The following IHO1 variants were observed in gnomAD, a reference collection of about 807,000 sequenced individuals.
The protein encoded by IHO1 is interactor of HORMAD1 protein 1.
IHO1 carries 13 observed loss-of-function variants against 31.0 expected under a neutral mutation model. That is an observed-to-expected ratio of 0.42 (90% confidence interval 0.27 to 0.67). The LOEUF (loss-of-function observed/expected upper bound fraction) is 0.67, where lower values mean the gene tolerates loss of function less well. Among genes scored for constraint, IHO1 ranks in the 30% least tolerant of loss-of-function variants. The pLI is 0.24. For synonymous variants in IHO1, 221 were observed against 248.4 expected (o/e 0.89, Z 1.04); for missense variants, 599 against 687.5 (o/e 0.87, Z 1.44).
At chr3:49,230,260 A>T (rs968141355) in intron 2 of IHO1, among the ~76,000 whole-genome samples, 1 of 152,210 alleles carries the variant, frequency 6.6e-6, no homozygotes, top group Non-Finnish European at 1.5e-5. Flanking sequence ...AATCAGGTAA[A>T]TGGAGAATGT....
chr3:49,243,626 CGGGA>C (rs2046658358), intron 4 of IHO1, among the ~76,000 whole-genome samples: 2 of 151,128 alleles, frequency 1.3e-5, no homozygotes, highest in Admixed American at 6.6e-5. Context: ...GGCGTGGTGG[CGGGA>C]GCCTGTAGTC....
At chr3:49,240,109 G>A (rs930560145) in intron 3 of IHO1, among the ~76,000 whole-genome samples, 1 of 152,016 alleles carries the variant, frequency 6.6e-6, no homozygotes, top group South Asian at 2.1e-4. Flanking sequence ...GCAGTGGCAC[G>A]ATCTTGGCTC....
upstream of IHO1, among the ~76,000 whole-genome samples, chr3:49,196,006 C>T (rs1456556196): frequency 6.7e-6 from 1 of 150,216 alleles, no homozygotes; most frequent in Non-Finnish European, 1.5e-5. Context: ...GAGGTCGAGG[C>T]GGGCGGATCA....
At chr3:49,232,011 A>G (rs539025166) in intron 2 of IHO1, among the ~76,000 whole-genome samples, 1 of 152,282 alleles carries the variant, frequency 6.6e-6, no homozygotes, top group African/African-American at 2.4e-5. Context: ...GTATGCGTGG[A>G]CACCTTTTCT....
upstream of IHO1, among the ~76,000 whole-genome samples, chr3:49,196,689 G>T (rs2045998674): frequency 7.0e-6 from 1 of 143,650 alleles, no homozygotes; most frequent in Non-Finnish European, 1.5e-5. Flanking sequence ...GATTTTTTTT[G>T]AGACCGAGTC....
chr3:49,197,301 A>T (rs1270384121), upstream of IHO1, among the ~76,000 whole-genome samples: 1 of 145,880 alleles, frequency 6.9e-6, no homozygotes, highest in African/African-American at 2.6e-5. Flanking sequence ...ATTTTTACTT[A>T]AAAAAAATGT....
chr3:49,231,428 G>T (rs1440237660), intron 2 of IHO1, among the ~76,000 whole-genome samples: 3 of 152,204 alleles, frequency 2.0e-5, no homozygotes, highest in Non-Finnish European at 4.4e-5. Flanking sequence ...AAATGGTAAA[G>T]CTTCTTATTC....
At chr3:49,250,374 G>C (rs1362809906) in intron 6 of IHO1, among the ~76,000 whole-genome samples, 1 of 152,160 alleles carries the variant, frequency 6.6e-6, no homozygotes, top group East Asian at 1.9e-4. Flanking sequence ...TCCTATAAAA[G>C]AGAAGACGCC....
intron 1 of IHO1, among the ~76,000 whole-genome samples, chr3:49,208,051 C>T (rs776840049): frequency 2.6e-5 from 4 of 152,200 alleles, no homozygotes; most frequent in Non-Finnish European, 5.9e-5. Flanking sequence ...GGATTACAGG[C>T]GTGAGCCACT....
chr3:49,255,546 C>T (rs2046812118), intron 7 of IHO1, 53 bp downstream of exon 7: 3 of 1,065,628 alleles, frequency 2.8e-6, no homozygotes, highest in South Asian at 3.3e-5. Flanking sequence ...TTGAACTAGA[C>T]CCAGAGAGAA....
intron 2 of IHO1, among the ~76,000 whole-genome samples, chr3:49,220,963 G>T (rs774324289): frequency 6.6e-6 from 1 of 152,234 alleles, no homozygotes; most frequent in African/African-American, 2.4e-5. Context: ...ACGGGTTGCC[G>T]CTGCTGGCTC....
chr3:49,210,027 TTC>T (rs1351005990), intron 1 of IHO1, among the ~76,000 whole-genome samples: 4 of 150,040 alleles, frequency 2.7e-5, no homozygotes, highest in African/African-American at 2.5e-5. Flanking sequence ...CTTTCTTTCT[TTC>T]TTTTTTTTTT....
At chr3:49,244,600 A>G (rs764724539) in intron 5 of IHO1, 46 bp from the exon 6 acceptor site, 1 of 1,540,044 alleles carries the variant, frequency 6.5e-7, no homozygotes, top group South Asian at 1.1e-5. Context: ...AGATAGTAGA[A>G]TAAGGCAATA....
chr3:49,231,206 A>C (rs150442994), intron 2 of IHO1, among the ~76,000 whole-genome samples: 1 of 152,244 alleles, frequency 6.6e-6, no homozygotes, highest in Non-Finnish European at 1.5e-5. Context: ...TGGAAAAATT[A>C]TTGTCCCTCT....
At chr3:49,228,051 T>G (rs1259625941) in intron 2 of IHO1, among the ~76,000 whole-genome samples, 1 of 151,692 alleles carries the variant, frequency 6.6e-6, no homozygotes, top group Non-Finnish European at 1.5e-5. Flanking sequence ...AGACAAGGAG[T>G]GGTTTTTAGA....
chr3:49,219,147 A>C (rs938526896), intron 2 of IHO1, among the ~76,000 whole-genome samples: 1 of 152,196 alleles, frequency 6.6e-6, no homozygotes, highest in African/African-American at 2.4e-5. Flanking sequence ...CATTGTTGGG[A>C]ACAGGCCCCC....
upstream of IHO1, among the ~76,000 whole-genome samples, chr3:49,195,883 C>T (rs531753541): frequency 3.2e-4 from 48 of 149,802 alleles, no homozygotes; most frequent in South Asian, 9.1e-3. Flanking sequence ...GGGCGGATCA[C>T]GAGGTCAGGA....
At chr3:49,250,126 A>T (rs1453383590) in intron 6 of IHO1, among the ~76,000 whole-genome samples, 1 of 151,532 alleles carries the variant, frequency 6.6e-6, no homozygotes, top group East Asian at 1.9e-4. Flanking sequence ...ACATACACAA[A>T]CAAACACAGG....
intron 7 of IHO1, among the ~76,000 whole-genome samples, chr3:49,255,916 G>A (rs1455710892): frequency 2.0e-5 from 3 of 151,898 alleles, no homozygotes; most frequent in Admixed American, 6.6e-5. Context: ...ACTTGGAAAG[G>A]GGCCAGCATA....
Sources: gnomAD v4.1 joint callset for allele counts (sites outside exome capture counted in the v4.1 genomes callset) on GRCh38, gnomAD v4.1.1 for gene constraint, MANE v1.5 for transcripts, NCBI Gene and HGNC (gene_info 2026-07-23, HGNC 2026-07-21) for gene names.